The following N4BP2L1 variants were observed in gnomAD, a reference collection of about 807,000 sequenced individuals.
N4BP2L1 encodes NEDD4 binding protein 2 like 1.
In N4BP2L1, 12 loss-of-function variants were observed where a neutral mutation model predicts 21.2. The observed-to-expected ratio is 0.57, with a 90% confidence interval of 0.36 to 0.92. The LOEUF (loss-of-function observed/expected upper bound fraction) is 0.92. N4BP2L1 is among the 40% of genes least tolerant of loss of function. The pLI, the probability that N4BP2L1 is intolerant of heterozygous loss-of-function variation, is 0.01. For missense variants in N4BP2L1, 259 were observed against 310.6 expected, an observed-to-expected ratio of 0.83 and a Z score of 1.25; for synonymous variants, 104 against 112.8, an observed-to-expected ratio of 0.92 and a Z score of 0.49.
intron 1 of N4BP2L1, among the ~76,000 whole-genome samples, chr13:32,424,593 G>A (rs553078970): frequency 8.8e-4 from 134 of 152,296 alleles, no homozygotes; most frequent in African/African-American, 3.1e-3. Context: ...GCCTCCCAAA[G>A]TGCTGGGATT....
intron 1 of N4BP2L1, among the ~76,000 whole-genome samples, chr13:32,423,859 A>G (rs978847339): frequency 7.9e-5 from 12 of 152,356 alleles, no homozygotes; most frequent in African/African-American, 2.9e-4. Flanking sequence ...GATAGTGGTA[A>G]TGGTTGTACA....
At chr13:32,427,355 C>A (rs2074836104) in intron 1 of N4BP2L1, among the ~76,000 whole-genome samples, 1 of 152,078 alleles carries the variant, frequency 6.6e-6, no homozygotes, top group Non-Finnish European at 1.5e-5. Flanking sequence ...CCCGGGCCCC[C>A]ACCCCCGGAC....
Position 32,404,318 on chromosome 13 carries a change from T to A in N4BP2L1, c.473+3A>T. Reference sequence around the variant, plus strand: ...ATGAGGAACTAGAAAAACAAAGAAGTACCTTGCTAACTCTTGAACGTTGAA... The same window carrying A: ...ATGAGGAACTAGAAAAACAAAGAAGAACCTTGCTAACTCTTGAACGTTGAA... On this transcript the variant is annotated splice_donor_region_variant and intron_variant, in intron 4 of 4. Transcript: ENST00000380130. 6.2e-7 allele frequency: 1 copy of A among 1,612,574 alleles called. No homozygotes were observed. Among genetic ancestry groups the A allele is most frequent in the Non-Finnish European group, 8.5e-7 (1 of 1,178,638 alleles).
In N4BP2L1 at chr13:32,407,717, A is replaced by C; in HGVS notation, c.235T>G (p.Phe79Val). The C allele has an allele frequency of 6.2e-7, 1 of 1,609,958 alleles. No homozygotes were observed. Reference protein sequence around the residue: ...ALIFSTDDFFFREDGAYEFNP... With the variant: ...ALIFSTDDFFVREDGAYEFNP... ...AACTCATAGGCACCATCTTCCCTGA[A>C]GAAAAAATCATCCGTGCTGAAAATC... The change falls in exon 2 of 5, where the codon TTC becomes GTC. Residue 79 changes from phenylalanine to valine, a missense_variant. By Grantham distance (50) the Phe-to-Val change is conservative (BLOSUM62 -1). This residue lies in a region of N4BP2L1 where 91 missense variants were observed against 148.1 expected (regional missense o/e 0.61). Coordinates refer to ENST00000380130, the MANE Select transcript of N4BP2L1 (RefSeq NM_052818.3).
At position 32,402,238 on chromosome 13, in the gene N4BP2L1, A is replaced by G; in HGVS notation, c.*704T>C. The G allele has an allele frequency of 1.1e-6, 1 of 902,748 alleles. No individual in the cohort carries two copies. Among genetic ancestry groups the G allele is most frequent in the Non-Finnish European group, 1.3e-6 (1 of 754,534 alleles). The allele number at this position is 902,748 out of a possible 1,614,324, so 55.9% of individuals were successfully genotyped here. A position where few individuals can be genotyped will look rare whatever the true frequency, so the allele number is the denominator to read the frequency against. On this transcript the variant is annotated 3_prime_UTR_variant, in exon 5 of 5. Coordinates refer to ENST00000380130, the MANE Select transcript of N4BP2L1 (RefSeq NM_052818.3). The stretch of plus-strand genomic sequence containing the variant: ...TTATTCAGGTTTAATCCTGCTGAAT[A>G]AAGTAGTAAAAACACAAGGCGTGAC...
chr13:32,403,652 T>C (rs780879852), intron 4 of N4BP2L1: 56 of 531,284 alleles, frequency 1.1e-4, no homozygotes, highest in Non-Finnish European at 2.7e-5. Context: ...AGAAATATAA[T>C]TACCAGAGAT....
Position 32,428,026 on chromosome 13 carries a change from CTGCTGCTGG to C in N4BP2L1, c.48_56del (p.Gln19_Gln21del). ...GCCGGGGCGGCCGCTGCCGCTGCTG[CTGCTGCTGG>C]GGCTGGAGGCTCAGCCTCCCAAAAG... On this transcript the variant is annotated inframe_deletion, in exon 1 of 5. Transcript: ENST00000380130. The C allele has an allele frequency of 1.9e-6, 3 of 1,557,400 alleles. No individual in the cohort carries two copies. Among genetic ancestry groups the C allele is most frequent in the Non-Finnish European group, 2.6e-6 (3 of 1,153,856 alleles).
intron 1 of N4BP2L1, chr13:32,425,255 C>CCTG (rs1264174147): frequency 6.6e-6 from 1 of 152,354 alleles, no homozygotes; most frequent in East Asian, 1.9e-4. Flanking sequence ...CACACCTGAG[C>CCTG]CTGCCTCTCC....
upstream of N4BP2L1, among the ~76,000 whole-genome samples, chr13:32,428,885 T>TG (rs2074925851): frequency 6.6e-6 from 1 of 152,194 alleles, no homozygotes; most frequent in Non-Finnish European, 1.5e-5. Flanking sequence ...GTATCCAGAC[T>TG]GAAGTTCTCA....
intron 3 of N4BP2L1, among the ~76,000 whole-genome samples, chr13:32,405,598 T>C (rs2073429637): frequency 6.6e-6 from 1 of 152,210 alleles, no homozygotes; most frequent in African/African-American, 2.4e-5. Flanking sequence ...CTTCATTCAA[T>C]TGACTCTTCA....
intron 1 of N4BP2L1, among the ~76,000 whole-genome samples, chr13:32,408,891 G>A (rs1439962406): frequency 6.6e-6 from 1 of 152,240 alleles, no homozygotes; most frequent in Non-Finnish European, 1.5e-5. Flanking sequence ...GGCCACAGAT[G>A]AGTAAGCACT....
intron 1 of N4BP2L1, chr13:32,411,584 GT>G: frequency 1.1e-5 from 11 of 985,108 alleles, no homozygotes; most frequent in African/African-American, 1.7e-5. Flanking sequence ...CTTTATGGTG[GT>G]CAGGAGCCTC....
At chr13:32,423,655 A>G (rs2074607443) in intron 1 of N4BP2L1, among the ~76,000 whole-genome samples, 1 of 152,234 alleles carries the variant, frequency 6.6e-6, no homozygotes, top group African/African-American at 2.4e-5. Context: ...TGAAAACATT[A>G]AGCTACATGA....
At position 32,422,769 on chromosome 13, in the gene N4BP2L1, A is replaced by G. The variant is rs549779524; in HGVS notation, c.179+5135T>C. ...TCATCCCAGCCTCCAGAGAGAGGGT[A>G]AGGACAAGGACTCTCGGTAGTGAGG... On this transcript the variant is annotated intron_variant, in intron 1 of 4. Coordinates refer to ENST00000380130, the MANE Select transcript of N4BP2L1 (RefSeq NM_052818.3). 3.3e-5 allele frequency among the ~76,000 whole-genome samples: 5 copies of G among 152,324 alleles called. No homozygotes were observed. The East Asian group carries it at 9.6e-4, about 29-fold the overall frequency.
At chr13:32,425,363 T>C (rs2074707658) in intron 1 of N4BP2L1, 1 of 152,190 alleles carries the variant, frequency 6.6e-6, no homozygotes, top group Non-Finnish European at 1.5e-5. Flanking sequence ...ATCCACCCCA[T>C]GGCATGCCAA....
At chr13:32,423,236 G>T (rs960243613) in intron 1 of N4BP2L1, among the ~76,000 whole-genome samples, 2 of 152,158 alleles carry the variant, frequency 1.3e-5, no homozygotes, top group Non-Finnish European at 2.9e-5. Context: ...ATAATGAAAA[G>T]GTACTTCTCA....
At chr13:32,407,493 A>C (rs748324918) in intron 2 of N4BP2L1, 152 bp downstream of exon 2, 5 of 1,579,064 alleles carry the variant, frequency 3.2e-6, no homozygotes, top group Non-Finnish European at 1.7e-6. Flanking sequence ...TTTCTCTGGA[A>C]TCTAAGGAGG....
At chr13:32,413,549 T>A (rs914116932) in intron 1 of N4BP2L1, among the ~76,000 whole-genome samples, 12 of 152,192 alleles carry the variant, frequency 7.9e-5, no homozygotes, top group African/African-American at 2.7e-4. Context: ...ATCACTTGGC[T>A]AAAGGGTGGT....
At chr13:32,427,665 C>T (rs944464362) in intron 1 of N4BP2L1, among the ~76,000 whole-genome samples, 1 of 152,136 alleles carries the variant, frequency 6.6e-6, no homozygotes, top group Non-Finnish European at 1.5e-5. Flanking sequence ...GCTCCCTCCT[C>T]TCCGTGCCCG....
Sources: allele counts gnomAD v4.1 joint callset (sites outside exome capture counted in the v4.1 genomes callset), GRCh38; gene constraint gnomAD v4.1.1; regional missense constraint gnomAD v4.1.1; transcripts MANE v1.5; gene names NCBI Gene and HGNC (gene_info 2026-07-23, HGNC 2026-07-21).